The following SUSD4 variants were observed in gnomAD, a reference collection of about 807,000 sequenced individuals.
SUSD4 encodes the protein sushi domain-containing protein 4.
SUSD4 carries 41 observed loss-of-function variants against 50.5 expected under a neutral mutation model. The observed-to-expected ratio is 0.81, with a 90% CI of 0.63 to 1.05. The LOEUF (loss-of-function observed/expected upper bound fraction) is 1.05. SUSD4 is among the 50% of genes least tolerant of loss of function. The pLI is 0.00. For synonymous variants in SUSD4, 257 were observed against 257.3 expected, an observed-to-expected ratio of 1.00 and a Z score of 0.01; for missense variants, 580 against 634.7, an observed-to-expected ratio of 0.91 and a Z score of 0.93.
Position 223,229,283 on chromosome 1 carries a change from C to T in SUSD4, c.830G>A (p.Gly277Asp). 1.9e-6 allele frequency: 3 copies of T among 1,613,386 alleles called. No individual in the cohort carries two copies. Among genetic ancestry groups the T allele is most frequent in the Non-Finnish European group, 2.5e-6 (3 of 1,179,436 alleles). Residue 277 changes from glycine to aspartate, a missense_variant, in exon 6 of 9, where the codon GGC becomes GAC. Transcript: ENST00000366878. The surrounding 1 kb of genome is among the most constrained non-coding windows in gnomAD (Gnocchi z 4.7). ...GTVVEFYCDP[G>D]YSLTSDYKYI... ...CTTGTAGTCGCTGGTGAGGCTGTAG[C>T]CAGGATCGCAGTAAAACTCCACCAC... is the stretch of plus-strand genomic sequence containing the variant.
intron 5 of SUSD4, among the ~76,000 whole-genome samples, chr1:223,259,617 T>C (rs851195): frequency 0.043 from 6,572 of 152,224 alleles, 479 homozygotes; most frequent in African/African-American, 0.15. Flanking sequence ...TTCCAGATAC[T>C]AACGGGTTGT....
chr1:223,301,606 G>A (rs188658172), intron 2 of SUSD4, among the ~76,000 whole-genome samples: 234 of 152,282 alleles, frequency 1.5e-3, no homozygotes, highest in African/African-American at 5.4e-3. Flanking sequence ...CCCACAGGCT[G>A]AGATCAGCCT....
chr1:223,307,685 T>C (rs1009258632), intron 2 of SUSD4, among the ~76,000 whole-genome samples: 1 of 152,186 alleles, frequency 6.6e-6, no homozygotes, highest in African/African-American at 2.4e-5. Flanking sequence ...TAGAAAGCGC[T>C]GGCTGACTCC....
At chr1:223,238,190 T>G (rs1660347047) in intron 5 of SUSD4, among the ~76,000 whole-genome samples, 2 of 152,018 alleles carry the variant, frequency 1.3e-5, no homozygotes, top group Admixed American at 1.3e-4. Context: ...TCTGTAGTGA[T>G]GTCCACTCTT....
At chr1:223,266,333 G>A (rs1268411845) in intron 4 of SUSD4, among the ~76,000 whole-genome samples, 1 of 152,210 alleles carries the variant, frequency 6.6e-6, no homozygotes, top group Non-Finnish European at 1.5e-5. Context: ...TATGTGGTGG[G>A]GAGGAGGTTG....
At chr1:223,343,163 G>A (rs1301601453) in intron 2 of SUSD4, among the ~76,000 whole-genome samples, 1 of 152,056 alleles carries the variant, frequency 6.6e-6, no homozygotes, top group Non-Finnish European at 1.5e-5. Flanking sequence ...CCTCTGTGCT[G>A]GCTGTTCCCT....
chr1:223,263,752 A>G (rs1662285932), intron 5 of SUSD4: 1 of 985,324 alleles, frequency 1.0e-6, no homozygotes, highest in Admixed American at 6.1e-5. Flanking sequence ...TCCCACACAG[A>G]GGTGCACACT....
intron 2 of SUSD4, among the ~76,000 whole-genome samples, chr1:223,357,364 G>A (rs1668722517): frequency 6.6e-6 from 1 of 152,112 alleles, no homozygotes; most frequent in African/African-American, 2.4e-5. Context: ...AAAAATGTTT[G>A]AATCAAATAC....
intron 5 of SUSD4, among the ~76,000 whole-genome samples, chr1:223,241,707 G>C (rs895757058): frequency 2.0e-5 from 3 of 152,204 alleles, no homozygotes; most frequent in Admixed American, 6.5e-5. Flanking sequence ...TTTTAGACCA[G>C]CGATGGTTGT....
chr1:223,322,982 T>C (rs896229516), intron 2 of SUSD4, among the ~76,000 whole-genome samples: 1 of 152,136 alleles, frequency 6.6e-6, no homozygotes, highest in African/African-American at 2.4e-5. Context: ...GAAAGCAGGA[T>C]ATGATGGAGA....
chr1:223,334,934 A>G (rs1667376246), intron 2 of SUSD4, among the ~76,000 whole-genome samples: 1 of 152,002 alleles, frequency 6.6e-6, no homozygotes, highest in Non-Finnish European at 1.5e-5. Flanking sequence ...TTGCATCCTC[A>G]TAGCTTAGCT....
At chr1:223,337,870 T>G (rs1054840688) in intron 2 of SUSD4, among the ~76,000 whole-genome samples, 3 of 152,184 alleles carry the variant, frequency 2.0e-5, no homozygotes, top group African/African-American at 7.2e-5. Context: ...AAGAAAGACA[T>G]GAGGAACCCT....
At chr1:223,324,404 T>C (rs185440657) in intron 2 of SUSD4, among the ~76,000 whole-genome samples, 1 of 151,732 alleles carries the variant, frequency 6.6e-6, no homozygotes, top group East Asian at 1.9e-4. Context: ...CTGTTCACAA[T>C]GAAGACCCAA....
chr1:223,345,652 A>G (rs1018754543), intron 2 of SUSD4, among the ~76,000 whole-genome samples: 3 of 152,210 alleles, frequency 2.0e-5, no homozygotes, highest in South Asian at 2.1e-4. Context: ...CCGGCTTTCT[A>G]TCACTTATTC....
In SUSD4 at chr1:223,332,244, T is replaced by C. The variant is rs1290876691; in HGVS notation, c.148+31034A>G. 6.6e-6 allele frequency among the ~76,000 whole-genome samples: 1 copy of C among 152,182 alleles called. No individual in the cohort carries two copies. The highest frequency in any genetic ancestry group is 1.5e-5 in the Non-Finnish European group (1 of 68,026). On this transcript the variant is annotated intron_variant, in intron 2 of 8. Coordinates refer to ENST00000366878, the MANE Select transcript of SUSD4 (RefSeq NM_017982.4). This position sits in a 1 kb window ranked among gnomAD's most constrained non-coding sequence, Gnocchi z 4.0. ...TCATAAAATATTTGGAGGGTGCTAGTAGGAAGCATGGCTAGGCTACCTCAA... is the reference window on the plus strand; with the variant it reads ...TCATAAAATATTTGGAGGGTGCTAGCAGGAAGCATGGCTAGGCTACCTCAA...
intron 2 of SUSD4, among the ~76,000 whole-genome samples, chr1:223,358,026 G>A (rs1668762182): frequency 1.3e-5 from 2 of 152,188 alleles, no homozygotes; most frequent in Non-Finnish European, 2.9e-5. Flanking sequence ...GGATAAAGAG[G>A]AGCAGTGTGC....
At chr1:223,277,076 T>A (rs890128960) in intron 3 of SUSD4, among the ~76,000 whole-genome samples, 1 of 152,222 alleles carries the variant, frequency 6.6e-6, no homozygotes, top group African/African-American at 2.4e-5. Flanking sequence ...AAAGGAGTTA[T>A]CTGCCAATTT....
chr1:223,264,476 C>G, intron 5 of SUSD4, 154 bp downstream of exon 5: 2 of 1,372,898 alleles, frequency 1.5e-6, no homozygotes, highest in Non-Finnish European at 1.9e-6. Context: ...TATGGCTTCA[C>G]GGCAGCTGAT....
chr1:223,252,361 C>T (rs949162518), intron 5 of SUSD4, among the ~76,000 whole-genome samples: 1 of 151,552 alleles, frequency 6.6e-6, no homozygotes, highest in South Asian at 2.1e-4. Context: ...AATGAAGCGG[C>T]GACAAGCCAT....
Sources: allele counts gnomAD v4.1 joint callset (sites outside exome capture counted in the v4.1 genomes callset), GRCh38; gene constraint gnomAD v4.1.1; non-coding constraint Gnocchi (gnomAD v3.1); transcripts MANE v1.5; gene names NCBI Gene and HGNC (gene_info 2026-07-23, HGNC 2026-07-21).